The following FHIT variants were observed in gnomAD, a reference collection of about 807,000 sequenced individuals.
FHIT encodes the protein fragile histidine triad diadenosine triphosphatase.
A neutral mutation model predicts 17.9 loss-of-function variants in FHIT; 19 were observed. The ratio of observed to expected loss-of-function variants is 1.06; its 90% CI spans 0.74 to 1.56. The LOEUF is 1.56. Among genes scored for constraint, FHIT ranks in the 40% most tolerant of loss-of-function variants. FHIT has a pLI of 0.00. For missense variants in FHIT, 248 were observed against 189.2 expected, an observed-to-expected ratio of 1.31 and a Z score of -1.82; for synonymous variants, 81 against 69.7, an observed-to-expected ratio of 1.16 and a Z score of -0.81.
chr3:59,924,803 G>C (rs1187906351), intron 7 of FHIT, among the ~76,000 whole-genome samples: 1 of 151,932 alleles, frequency 6.6e-6, no homozygotes, highest in African/African-American at 2.4e-5. Context: ...CTGTACTTGG[G>C]GCTTATTAAA....
chr3:60,717,006 C>A (rs978263148), intron 4 of FHIT, among the ~76,000 whole-genome samples: 13 of 152,074 alleles, frequency 8.5e-5, no homozygotes, highest in Non-Finnish European at 7.4e-5. Flanking sequence ...CACGAATGAA[C>A]CTGGGGAATG....
chr3:59,923,833 C>A (rs1705528971), intron 7 of FHIT, among the ~76,000 whole-genome samples: 1 of 152,124 alleles, frequency 6.6e-6, no homozygotes, highest in South Asian at 2.1e-4. Flanking sequence ...AAGTGACACG[C>A]TATTAAAGCC....
chr3:60,741,042 C>A (rs1203563095), intron 4 of FHIT, among the ~76,000 whole-genome samples: 1 of 152,212 alleles, frequency 6.6e-6, no homozygotes, highest in Non-Finnish European at 1.5e-5. Context: ...AGTCCAGGGA[C>A]ATATATATTT....
At chr3:59,828,985 G>T (rs1701072644) in intron 8 of FHIT, among the ~76,000 whole-genome samples, 2 of 152,024 alleles carry the variant, frequency 1.3e-5, no homozygotes, top group African/African-American at 2.4e-5. Context: ...GTGTTTCAAA[G>T]CCTCTCTAGT....
At position 59,948,924 on chromosome 3, in the gene FHIT, T is replaced by G. The variant is rs538730175; in HGVS notation, c.280-26510A>C. On this transcript the variant is annotated intron_variant, in intron 7 of 9. Coordinates refer to ENST00000492590, the MANE Select transcript of FHIT (RefSeq NM_002012.4). ...TAGACTTGGGGGAACATGTGCAGGT[T>G]TGTTACCTGAGTAAAGGTAACTACT... is the stretch of plus-strand genomic sequence containing the variant. Among the ~76,000 whole-genome samples, 184 of 152,272 alleles carry G rather than the reference T, an allele frequency of 1.2e-3. 1 individual carries two copies. Among genetic ancestry groups the G allele is most frequent in the African/African-American group, 4.2e-3 (176 of 41,548 alleles).
At chr3:60,613,928 G>C (rs1229062703) in intron 4 of FHIT, among the ~76,000 whole-genome samples, 1 of 152,090 alleles carries the variant, frequency 6.6e-6, no homozygotes, top group African/African-American at 2.4e-5. Flanking sequence ...GAGGTGAAAA[G>C]AGTATATCAG....
At chr3:60,360,821 T>A (rs564873624) in intron 5 of FHIT, among the ~76,000 whole-genome samples, 26 of 152,308 alleles carry the variant, frequency 1.7e-4, no homozygotes, top group African/African-American at 6.3e-4. Context: ...AATGTCTGAC[T>A]GATAGCTGCC....
intron 2 of FHIT, among the ~76,000 whole-genome samples, chr3:61,124,572 C>A (rs112551751): frequency 2.0e-5 from 3 of 152,072 alleles, no homozygotes; most frequent in African/African-American, 7.2e-5. Context: ...TTATAATCAG[C>A]TCTTAAAAAT....
intron 3 of FHIT, among the ~76,000 whole-genome samples, chr3:61,020,011 C>T (rs900254014): frequency 6.6e-6 from 1 of 152,168 alleles, no homozygotes; most frequent in Admixed American, 6.5e-5. Context: ...GCTATCCCTC[C>T]CCTAGCCCCA....
At chr3:60,702,403 G>T (rs1262640976) in intron 4 of FHIT, among the ~76,000 whole-genome samples, 12 of 151,700 alleles carry the variant, frequency 7.9e-5, no homozygotes, top group African/African-American at 2.9e-4. Context: ...AAAACTATTA[G>T]GGAATATGAG....
chr3:61,098,100 T>C (rs2035699261), intron 2 of FHIT, among the ~76,000 whole-genome samples: 1 of 152,226 alleles, frequency 6.6e-6, no homozygotes, highest in South Asian at 2.1e-4. Flanking sequence ...TTTAAGTCTT[T>C]AAGCTATCTC....
chr3:60,280,584 C>T (rs1180791993), intron 5 of FHIT, among the ~76,000 whole-genome samples: 1 of 152,050 alleles, frequency 6.6e-6, no homozygotes, highest in African/African-American at 2.4e-5. Flanking sequence ...ACACCCACAA[C>T]CCAAAGAATA....
chr3:59,883,837 A>G (rs1703508409), intron 8 of FHIT, among the ~76,000 whole-genome samples: 1 of 152,238 alleles, frequency 6.6e-6, no homozygotes, highest in South Asian at 2.1e-4. Context: ...GATTATGGAG[A>G]CAAAGCTTAA....
At chr3:59,916,974 G>A (rs1361906399) in intron 8 of FHIT, among the ~76,000 whole-genome samples, 1 of 152,206 alleles carries the variant, frequency 6.6e-6, no homozygotes, top group East Asian at 1.9e-4. Flanking sequence ...CTAATTAACT[G>A]TCTCACTGAA....
At chr3:60,581,258 G>A (rs1276957666) in intron 4 of FHIT, among the ~76,000 whole-genome samples, 1 of 152,112 alleles carries the variant, frequency 6.6e-6, no homozygotes, top group Non-Finnish European at 1.5e-5. Flanking sequence ...TTTCAGGTAA[G>A]AAAATGGAGA....
intron 1 of FHIT, among the ~76,000 whole-genome samples, chr3:61,246,405 A>G (rs2040487642): frequency 6.6e-6 from 1 of 152,158 alleles, no homozygotes; most frequent in South Asian, 2.1e-4. Flanking sequence ...CTACACTCTA[A>G]GTAATCTTCA....
At chr3:59,868,735 T>A (rs1355558788) in intron 8 of FHIT, among the ~76,000 whole-genome samples, 1 of 152,188 alleles carries the variant, frequency 6.6e-6, no homozygotes. Flanking sequence ...TGACTTCCTG[T>A]TCATCAGGGG....
At chr3:60,991,476 G>C (rs1056932700) in intron 3 of FHIT, among the ~76,000 whole-genome samples, 10 of 152,154 alleles carry the variant, frequency 6.6e-5, no homozygotes, top group Non-Finnish European at 1.2e-4. Context: ...CAGCTGTCTG[G>C]GCGTCATGGG....
rs149792951 is a variant in FHIT at position 60,888,297 on chromosome 3, C to G, written c.-110-66286G>C. ...TTATTGTTTGTTCAGTTTTAGCCAACTATATTTCCTGAGTGTTTCAAAAGG... is the reference window on the plus strand; with the variant it reads ...TTATTGTTTGTTCAGTTTTAGCCAAGTATATTTCCTGAGTGTTTCAAAAGG... On this transcript the variant is annotated intron_variant, in intron 3 of 9. Coordinates refer to ENST00000492590, the MANE Select transcript of FHIT (RefSeq NM_002012.4). Among the ~76,000 whole-genome samples, 317 of 152,322 alleles carry G rather than the reference C, an allele frequency of 2.1e-3. 1 individual carries two copies. The highest frequency in any genetic ancestry group is 2.2e-3 in the Non-Finnish European group (148 of 68,034).
Sources: gnomAD v4.1 joint callset for allele counts (sites outside exome capture counted in the v4.1 genomes callset) on GRCh38, gnomAD v4.1.1 for gene constraint, MANE v1.5 for transcripts, NCBI Gene and HGNC (gene_info 2026-07-23, HGNC 2026-07-21) for gene names.